Variants in PLOD2 observed in about 807,000 individuals in gnomAD.
PLOD2 encodes procollagen-lysine,2-oxoglutarate 5-dioxygenase 2.
Under a neutral mutation model 101.0 loss-of-function variants are expected in PLOD2, and 65 were observed. That is an observed-to-expected ratio of 0.64 (90% CI 0.53 to 0.79). PLOD2 has a LOEUF of 0.79. Among genes scored for constraint, PLOD2 ranks in the 30% least tolerant of loss-of-function variants. The pLI is 0.00. For missense variants in PLOD2, 909 were observed against 914.6 expected (o/e 0.99, Z 0.08); for synonymous variants, 314 against 302.9 (o/e 1.04, Z -0.38).
chr3:146,087,046 T>C, intron 9 of PLOD2, 138 bp from the exon 10 acceptor site: 2 of 466,348 alleles, frequency 4.3e-6, no homozygotes, highest in Non-Finnish European at 7.5e-6. Flanking sequence ...ATAATAACCA[T>C]ATTAAACACG....
chr3:146,128,189 A>T (rs998943173), intron 1 of PLOD2, among the ~76,000 whole-genome samples: 1 of 152,180 alleles, frequency 6.6e-6, no homozygotes, highest in Admixed American at 6.6e-5. Context: ...TCCACAAGCC[A>T]AATGAATGAT....
intron 11 of PLOD2, 141 bp from the exon 12 acceptor site, chr3:146,082,004 A>T (rs1936559231): frequency 1.9e-6 from 1 of 527,712 alleles, no homozygotes; most frequent in Admixed American, 3.8e-5. Context: ...GTTAATAAAA[A>T]TAAAATAAGG....
intron 2 of PLOD2, 44 bp downstream of exon 2, chr3:146,124,094 G>A (rs1250260662): frequency 1.0e-6 from 1 of 973,082 alleles, no homozygotes; most frequent in Admixed American, 1.7e-5. Flanking sequence ...ACATACTTTA[G>A]GCACACATTA....
chr3:146,089,097 T>C (rs1936889614), intron 8 of PLOD2, among the ~76,000 whole-genome samples: 1 of 151,652 alleles, frequency 6.6e-6, no homozygotes, highest in South Asian at 2.1e-4. Flanking sequence ...TAATTGTGTT[T>C]CTCTTTTTGT....
intron 7 of PLOD2, among the ~76,000 whole-genome samples, chr3:146,100,401 A>G (rs751400168): frequency 3.9e-5 from 6 of 152,162 alleles, no homozygotes; most frequent in Non-Finnish European, 7.3e-5. Flanking sequence ...AGTAAGAGAG[A>G]CCAGAAAACA....
At chr3:146,138,612 G>A (rs1228302121) in intron 1 of PLOD2, among the ~76,000 whole-genome samples, 1 of 152,122 alleles carries the variant, frequency 6.6e-6, no homozygotes. Flanking sequence ...AGGACAGCAG[G>A]CATCCAGAAT....
chr3:146,126,925 T>C (rs569880490), intron 1 of PLOD2, among the ~76,000 whole-genome samples: 3 of 152,278 alleles, frequency 2.0e-5, no homozygotes, highest in African/African-American at 7.2e-5. Flanking sequence ...TTGGGGTAGA[T>C]AGATTAAAAC....
chr3:146,083,320 C>T (rs1936628508), intron 11 of PLOD2, among the ~76,000 whole-genome samples: 1 of 152,094 alleles, frequency 6.6e-6, no homozygotes, highest in Non-Finnish European at 1.5e-5. Flanking sequence ...AAAAAGAGAG[C>T]TGATGAGAAG....
chr3:146,092,729 GAC>G (rs1299440911), intron 7 of PLOD2, among the ~76,000 whole-genome samples: 2 of 152,020 alleles, frequency 1.3e-5, no homozygotes, highest in Non-Finnish European at 2.9e-5. Flanking sequence ...AAGGATAGGT[GAC>G]AGAGGTAGAC....
At chr3:146,096,433 A>C (rs1937161999) in intron 7 of PLOD2, among the ~76,000 whole-genome samples, 1 of 102,392 alleles carries the variant, frequency 9.8e-6, no homozygotes, top group Admixed American at 9.5e-5. Context: ...CCATCTAGGA[A>C]GCGAGGAGCG....
At chr3:146,092,846 A>G (rs1428809304) in intron 7 of PLOD2, among the ~76,000 whole-genome samples, 3 of 152,162 alleles carry the variant, frequency 2.0e-5, no homozygotes, top group African/African-American at 7.2e-5. Context: ...AAATTACTAC[A>G]TCTTCTGCAA....
chr3:146,088,459 C>A, intron 9 of PLOD2, 127 bp downstream of exon 9: 1 of 669,818 alleles, frequency 1.5e-6, no homozygotes, highest in South Asian at 1.8e-5. Flanking sequence ...AAAGGCAGGG[C>A]TGTAATTACT....
In PLOD2 at chr3:146,081,869, G is replaced by A. The variant is rs1936552616; in HGVS notation, c.1233-6C>T. The A allele has an allele frequency of 6.2e-6, 10 of 1,610,964 alleles. No homozygotes were observed. The East Asian group carries it at 6.7e-5, about 11-fold the overall frequency. On this transcript the variant is annotated splice_region_variant and splice_polypyrimidine_tract_variant and intron_variant, in intron 11 of 19. Transcript: ENST00000282903. ...CAAGAGGAGCAATGATCTTTCTAAA[G>A]ACAGAGAGAGTGTGTGTGAGAGAGA...
At chr3:146,135,057 CTTACT>C (rs1198699163) in intron 1 of PLOD2, among the ~76,000 whole-genome samples, 2 of 152,150 alleles carry the variant, frequency 1.3e-5, no homozygotes, top group African/African-American at 2.4e-5. Flanking sequence ...GAAATATTTG[CTTACT>C]TTACTCCACA....
At chr3:146,099,060 T>C (rs971052658) in intron 7 of PLOD2, among the ~76,000 whole-genome samples, 7 of 152,136 alleles carry the variant, frequency 4.6e-5, no homozygotes, top group Admixed American at 3.3e-4. Flanking sequence ...ATAATAAAAC[T>C]TCATATTTTA....
At chr3:146,124,082 A>C (rs926525087) in intron 2 of PLOD2, 56 bp downstream of exon 2, 1 of 915,808 alleles carries the variant, frequency 1.1e-6, no homozygotes, top group Non-Finnish European at 1.8e-6. Context: ...CTGTTATGAA[A>C]AACATACTTT....
At position 146,106,621 on chromosome 3, in the gene PLOD2, C is replaced by A. The variant is rs1371055936; in HGVS notation, c.526G>T (p.Val176Phe). Reference sequence around the variant, plus strand: ...TTCCATTGTTGAACTATACGGTTGACATATGGAGCATAGCCAATAAATCCT... The same window carrying A: ...TTCCATTGTTGAACTATACGGTTGAAATATGGAGCATAGCCAATAAATCCT... ...SGGFIGYAPY[V>F]NRIVQQWNLQ... is the part of the protein sequence containing the mutation. Residue 176 changes from valine (V) to phenylalanine (F), a missense_variant, in exon 5 of 20, where the codon GTC (valine) becomes TTC (phenylalanine). Val to Phe is a conservative substitution (Grantham distance 50). Transcript: ENST00000282903. 6.4e-7 allele frequency: 1 copy of A among 1,570,552 alleles called. No homozygotes were observed. Among genetic ancestry groups the A allele is most frequent in the Middle Eastern group, 1.7e-4 (1 of 5,978 alleles).
chr3:146,113,593 C>T (rs1937749329), intron 3 of PLOD2, among the ~76,000 whole-genome samples: 1 of 152,152 alleles, frequency 6.6e-6, no homozygotes, highest in African/African-American at 2.4e-5. Context: ...ATGAAGATTT[C>T]ATGGACATTT....
chr3:146,077,758 C>T (rs1936395737), intron 14 of PLOD2, 104 bp downstream of exon 14: 2 of 666,764 alleles, frequency 3.0e-6, no homozygotes, highest in African/African-American at 3.7e-5. Context: ...AACATTTTAC[C>T]AAGCTAAATG....
Sources: allele counts gnomAD v4.1 joint callset (sites outside exome capture counted in the v4.1 genomes callset), GRCh38; gene constraint gnomAD v4.1.1; transcripts MANE v1.5; gene names NCBI Gene and HGNC (gene_info 2026-07-23, HGNC 2026-07-21).